Variants in SUMF1 observed in about 807,000 individuals in gnomAD.
The protein encoded by SUMF1 is formylglycine-generating enzyme.
SUMF1 carries 48 observed loss-of-function variants against 47.6 expected under a neutral mutation model. That is an observed-to-expected ratio of 1.01 (90% CI 0.80 to 1.28). The LOEUF (loss-of-function observed/expected upper bound fraction) is 1.28, where lower values mean the gene tolerates loss of function less well. Ranked by LOEUF, SUMF1 falls within the 50% of genes most tolerant of loss-of-function variation. The pLI, the probability that SUMF1 is intolerant of heterozygous loss-of-function variation, is 0.00. For missense variants in SUMF1, 571 were observed against 485.4 expected (o/e 1.18, Z -1.66); for synonymous variants, 230 against 192.1 (o/e 1.20, Z -1.63).
intron 8 of SUMF1, among the ~76,000 whole-genome samples, chr3:4,255,714 A>G (rs1207100176): frequency 7.3e-6 from 1 of 137,268 alleles, no homozygotes; most frequent in Non-Finnish European, 1.6e-5. Context: ...AACGAGACAG[A>G]AAGTCAACAA....
At chr3:4,393,478 A>G (rs1029225613) in intron 7 of SUMF1, among the ~76,000 whole-genome samples, 3 of 152,058 alleles carry the variant, frequency 2.0e-5, no homozygotes, top group African/African-American at 4.8e-5. Context: ...GACTACAGGC[A>G]TATGCCACCA....
chr3:4,303,255 T>G, intron 8 of SUMF1: 7 of 1,207,708 alleles, frequency 5.8e-6, no homozygotes, highest in Non-Finnish European at 7.8e-6. Context: ...AGGCCACTCC[T>G]GAGAAGAAAC....
downstream of SUMF1, among the ~76,000 whole-genome samples, chr3:4,357,730 T>A (rs1699652712): frequency 6.6e-6 from 1 of 151,836 alleles, no homozygotes; most frequent in Non-Finnish European, 1.5e-5. Flanking sequence ...TGCCTCAGCC[T>A]CCAAGTAGCT....
chr3:4,259,801 G>A (rs1319357591), intron 8 of SUMF1, among the ~76,000 whole-genome samples: 2 of 152,116 alleles, frequency 1.3e-5, no homozygotes, highest in East Asian at 3.9e-4. Context: ...TTGCACCAAG[G>A]ATAGGTAGAA....
At chr3:4,056,618 C>T (rs919101290) in intron 9 of SUMF1, among the ~76,000 whole-genome samples, 6 of 152,074 alleles carry the variant, frequency 3.9e-5, no homozygotes, top group Admixed American at 3.9e-4. Flanking sequence ...AAAATCATAC[C>T]ACTGCACTCC....
At chr3:4,035,926 A>C (rs1694785214) in intron 9 of SUMF1, among the ~76,000 whole-genome samples, 1 of 152,174 alleles carries the variant, frequency 6.6e-6, no homozygotes, top group Non-Finnish European at 1.5e-5. Flanking sequence ...CAGGGTTGAG[A>C]AATGAATGCT....
At chr3:4,326,972 A>C (rs1256977475) in intron 8 of SUMF1, among the ~76,000 whole-genome samples, 1 of 152,214 alleles carries the variant, frequency 6.6e-6, no homozygotes, top group Non-Finnish European at 1.5e-5. Context: ...ATTCTTGCTG[A>C]ACTTATGCAA....
chr3:4,192,724 T>C (rs1027119746), intron 8 of SUMF1, among the ~76,000 whole-genome samples: 1 of 151,998 alleles, frequency 6.6e-6, no homozygotes, highest in African/African-American at 2.4e-5. Context: ...GATTAAAGGG[T>C]TGGGGCTTTG....
chr3:4,422,520 G>A (rs1175808752), intron 3 of SUMF1, among the ~76,000 whole-genome samples: 1 of 148,134 alleles, frequency 6.8e-6, no homozygotes, highest in Non-Finnish European at 1.5e-5. Context: ...TGATTTGTTT[G>A]TCCATTCTAC....
Position 4,316,130 on chromosome 3 carries a change from T to C in SUMF1, c.1014+60200A>G, listed in dbSNP as rs114919789. 4.0e-3 allele frequency: 2,306 copies of C among 572,212 alleles called. 30 individuals are homozygous for C. Among genetic ancestry groups the C allele is most frequent in the African/African-American group, 0.036 (1,951 of 53,568 alleles). 35.4% of individuals were successfully genotyped at this position (572,212 alleles called of 1,614,324 possible). On this transcript the variant is annotated intron_variant and NMD_transcript_variant, in intron 8 of 12. Transcript: ENST00000448413. ...TATTGGAATACATTCTTAAATGTGG[T>C]CATGTTATACACCATTTTAATGAGC...
chr3:4,309,974 C>T (rs1698340979), intron 8 of SUMF1, among the ~76,000 whole-genome samples: 1 of 152,218 alleles, frequency 6.6e-6, no homozygotes, highest in South Asian at 2.1e-4. Flanking sequence ...GTATAGCCTA[C>T]TACACACTTA....
intron 8 of SUMF1, among the ~76,000 whole-genome samples, chr3:4,337,535 T>C (rs1338125353): frequency 1.3e-5 from 2 of 151,928 alleles, no homozygotes; most frequent in South Asian, 2.1e-4. Flanking sequence ...ATCCCACTAA[T>C]TCCAACCCCA....
chr3:4,066,473 A>G (rs74512355), intron 9 of SUMF1, among the ~76,000 whole-genome samples: 2,066 of 152,192 alleles, frequency 0.014, 19 homozygotes, highest in Non-Finnish European at 0.022. Flanking sequence ...AAAGCTTGAA[A>G]CTTACATTTG....
At chr3:4,182,966 G>A (rs895516015) in intron 8 of SUMF1, among the ~76,000 whole-genome samples, 1 of 152,030 alleles carries the variant, frequency 6.6e-6, no homozygotes, top group African/African-American at 2.4e-5. Flanking sequence ...CAATTATCTT[G>A]GACTCGGGGC....
At chr3:4,352,031 C>T (rs1699514256) in intron 8 of SUMF1, among the ~76,000 whole-genome samples, 1 of 152,280 alleles carries the variant, frequency 6.6e-6, no homozygotes, top group South Asian at 2.1e-4. Context: ...AGCCCATGTT[C>T]TTAACCACTA....
At chr3:4,085,478 T>C (rs968984032) in intron 8 of SUMF1, among the ~76,000 whole-genome samples, 4 of 152,054 alleles carry the variant, frequency 2.6e-5, no homozygotes, top group African/African-American at 9.7e-5. Context: ...AAATGAACTA[T>C]TAAGTACATC....
At chr3:4,213,692 C>T (rs1695851046) in intron 8 of SUMF1, among the ~76,000 whole-genome samples, 1 of 151,974 alleles carries the variant, frequency 6.6e-6, no homozygotes. Flanking sequence ...CACACATAGG[C>T]TCAAAATAAA....
chr3:4,313,416 T>C (rs936088309), intron 8 of SUMF1: 4 of 1,614,056 alleles, frequency 2.5e-6, no homozygotes, highest in Admixed American at 1.7e-5. Flanking sequence ...TTAATCATTC[T>C]TGTGAGCCAA....
intron 8 of SUMF1, among the ~76,000 whole-genome samples, chr3:4,219,525 CAA>C (rs1207691527): frequency 6.6e-6 from 1 of 152,152 alleles, no homozygotes; most frequent in African/African-American, 2.4e-5. Flanking sequence ...CTGTAAGTTG[CAA>C]AGTCTCCCAC....
Sources: allele counts gnomAD v4.1 joint callset (sites outside exome capture counted in the v4.1 genomes callset), GRCh38; gene constraint gnomAD v4.1.1; transcripts MANE v1.5; gene names NCBI Gene and HGNC (gene_info 2026-07-23, HGNC 2026-07-21).